MON1B: variants seen among roughly 807,000 people sequenced by gnomAD.
The protein encoded by MON1B is MON1 vesicular trafficking associated B.
Under a neutral mutation model 45.1 loss-of-function variants are expected in MON1B, and 26 were observed. That is an observed-to-expected ratio of 0.58 (90% CI 0.42 to 0.80). The LOEUF (loss-of-function observed/expected upper bound fraction) is 0.80, where lower values mean the gene tolerates loss of function less well. MON1B is among the 30% of genes least tolerant of loss of function. The pLI, the probability that MON1B is intolerant of heterozygous loss-of-function variation, is 0.00. For missense variants in MON1B, 737 were observed against 754.5 expected (o/e 0.98, Z 0.27); for synonymous variants, 395 against 320.2 (o/e 1.23, Z -2.49).
In MON1B at chr16:77,194,036, G is replaced by T; in HGVS notation, c.475+259G>T. The T allele has an allele frequency of 1.7e-6, 1 of 600,102 alleles. No individual in the cohort carries two copies. The allele number at this position is 600,102 out of a possible 1,614,324, so 37.2% of individuals were successfully genotyped here. On this transcript the variant is annotated intron_variant, in intron 3 of 5. Coordinates refer to ENST00000248248, the MANE Select transcript of MON1B (RefSeq NM_014940.4). This position sits in a 1 kb window ranked among gnomAD's most constrained non-coding sequence, Gnocchi z 8.1. ...GTCACCTGAGAGGATAACTGTGGGG[G>T]CTGTGTGGTTGAGCTGTGTCTTTCT... is the stretch of plus-strand genomic sequence containing the variant.
At position 77,195,441 on chromosome 16, in the gene MON1B, T is replaced by C. The variant is rs746725228; in HGVS notation, c.1296-94T>C. 9.5e-5 allele frequency: 135 copies of C among 1,418,352 alleles called. No homozygotes were observed. The Middle Eastern group carries it at 1.9e-3, about 20-fold the overall frequency. The allele number at this position is 1,418,352 out of a possible 1,614,324, so 87.9% of individuals were successfully genotyped here. ...GTCTCATGGGAGAGGCTCAGCTCCC[T>C]AACTTCATTGAAATCTCTAGACTGA... On this transcript the variant is annotated intron_variant, in intron 4 of 5. Transcript: ENST00000248248.
intron 5 of MON1B, among the ~76,000 whole-genome samples, chr16:77,196,790 A>G (rs1479931709): frequency 1.3e-5 from 2 of 152,106 alleles, no homozygotes; most frequent in African/African-American, 2.4e-5. Context: ...ACAAAAAGGA[A>G]TAACTTTTCC....
rs930009922 is a variant in MON1B, at chr16:77,198,507, A to C, written c.*199A>C. 1.6e-6 allele frequency: 1 copy of C among 613,322 alleles called. No individual in the cohort carries two copies. Among genetic ancestry groups the C allele is most frequent in the Admixed American group, 2.9e-5 (1 of 34,150 alleles). The allele number at this position is 613,322 out of a possible 1,614,324, so 38.0% of individuals were successfully genotyped here. On this transcript the variant is annotated 3_prime_UTR_variant, in exon 6 of 6. Transcript: ENST00000248248. Reference sequence around the variant, plus strand: ...AGCAGGCTGCTTTCCCTGCCCAGTCATGCACCTCCCCCTCTGGGGAAATCC... The same window carrying C: ...AGCAGGCTGCTTTCCCTGCCCAGTCCTGCACCTCCCCCTCTGGGGAAATCC...
In MON1B at chr16:77,191,518, C is replaced by G; in HGVS notation, c.33C>G (p.Ala11=). 1 of 1,608,234 alleles carries G rather than the reference C, an allele frequency of 6.2e-7. No individual in the cohort carries two copies. Among genetic ancestry groups the G allele is most frequent in the Non-Finnish European group, 8.5e-7 (1 of 1,178,332 alleles). ...TCGGAGGAGACACTGCTGCCCCGGC[C>G]CCCGGGGGCGCGGAGGACTTGGAGG... The part of the protein sequence containing the change: MEVGGDTAAP[A]PGGAEDLEDT... Residue 11 remains alanine (A), a synonymous_variant, in exon 2 of 6, where the codon GCC becomes GCG. Transcript: ENST00000248248.
chr16:77,195,652 C>T lies in MON1B; in HGVS notation c.1413C>T (p.His471=). The change falls in exon 5 of 6, where the codon CAC becomes CAT. Residue 471 remains histidine, a synonymous_variant. Transcript: ENST00000248248. ...CCCGACCCCTGCGCCTCATTTACCA[C>T]GTGGCTGAGAAGGAGACACTACTGG... ...STSRPLRLIY[H]VAEKETLLAW... 8.1e-6 allele frequency: 13 copies of T among 1,614,192 alleles called. No individual in the cohort carries two copies. Among genetic ancestry groups the T allele is most frequent in the South Asian group, 2.2e-5 (2 of 91,090 alleles).
chr16:77,192,632 A>C (rs1216243659), intron 2 of MON1B, among the ~76,000 whole-genome samples: 5 of 152,122 alleles, frequency 3.3e-5, no homozygotes, highest in Admixed American at 3.3e-4. Context: ...GAAGGTGGTC[A>C]GGGGAGTGAC....
chr16:77,198,303 C>T lies in MON1B; in HGVS notation c.1639C>T (p.Leu547Phe), dbSNP rs748990041. 8.7e-6 allele frequency: 14 copies of T among 1,614,006 alleles called. No individual in the cohort carries two copies. The highest frequency in any genetic ancestry group is 1.1e-5 in the Non-Finnish European group (13 of 1,179,856). The change falls in exon 6 of 6, where the codon CTC becomes TTC. Residue 547 changes from leucine to phenylalanine, a missense_variant. Transcript: ENST00000248248. ...QAAHNGLFTG[L>F] ...TGCCCATAATGGCTTGTTCACTGGA[C>T]TCTGATAGTTGGAGCTCCCAGACCA...
In MON1B at chr16:77,195,131, C is replaced by T; in HGVS notation, c.1272C>T (p.His424=). The T allele has an allele frequency of 1.3e-6, 2 of 1,596,202 alleles. No individual in the cohort carries two copies. The highest frequency in any genetic ancestry group is 1.7e-6 in the Non-Finnish European group (2 of 1,177,954). The change falls in exon 4 of 6, where the codon CAC becomes CAT. Residue 424 remains histidine (H), a synonymous_variant. Transcript: ENST00000248248. ...AGCCGCTGGACATCCCTGACCACCA[C>T]CGCCAACTGCCCCAGTTTACCAGGT... ...LYKPLDIPDH[H]RQLPQFTSPE...
chr16:77,202,397 G>A lies in MON1B; in HGVS notation c.*4089G>A, dbSNP rs2054752230. 6.6e-6 allele frequency: 1 copy of A among 152,192 alleles called. No individual in the cohort carries two copies. The highest frequency in any genetic ancestry group is 2.4e-5 in the African/African-American group (1 of 41,440). The allele number at this position is 152,192 out of a possible 1,614,324, so 9.4% of individuals were successfully genotyped here. ...GTTTCAAAATAAAATGTTTAAAAGG[G>A]TGCTCTTACTGTGCTGGCCATTTTC... is the stretch of plus-strand genomic sequence containing the variant. On this transcript the variant is annotated 3_prime_UTR_variant, in exon 6 of 6. Coordinates refer to ENST00000248248, the MANE Select transcript of MON1B (RefSeq NM_014940.4).
chr16:77,198,000 G>A (rs1213147182), intron 5 of MON1B, 108 bp from the exon 6 acceptor site: 15 of 1,113,060 alleles, frequency 1.3e-5, no homozygotes, highest in Non-Finnish European at 2.0e-5. Context: ...GTGCTGCCAG[G>A]TACATGTTCC....
At position 77,199,852 on chromosome 16, in the gene MON1B, TA is replaced by T. The variant is rs201098769; in HGVS notation, c.*1546del. ...TGCTGCAGCCACCCCTTATTAACAG[TA>T]ATTCCCAGTGTCGCCATTTCACACC... On this transcript the variant is annotated 3_prime_UTR_variant, in exon 6 of 6. Transcript: ENST00000248248. 1,058 of 204,496 alleles carry T rather than the reference TA, an allele frequency of 5.2e-3. 10 individuals carry two copies. The highest frequency in any genetic ancestry group is 0.023 in the African/African-American group (970 of 43,022). 12.7% of individuals were successfully genotyped at this position (204,496 alleles called of 1,614,324 possible). A position where few individuals can be genotyped will look rare whatever the true frequency, so the allele number is the denominator to read the frequency against.
At chr16:77,195,847 G>A (rs1021133600) in intron 5 of MON1B, among the ~76,000 whole-genome samples, 165 bp downstream of exon 5, 1 of 152,140 alleles carries the variant, frequency 6.6e-6, no homozygotes, top group African/African-American at 2.4e-5. Context: ...CATCTTTGAA[G>A]CCCCTGACAA....
chr16:77,195,465 G>A, intron 4 of MON1B, 70 bp from the exon 5 acceptor site: 2 of 1,502,834 alleles, frequency 1.3e-6, no homozygotes, highest in Middle Eastern at 2.0e-4. Context: ...TCTCTAGACT[G>A]AGGGAGGAAA....
At position 77,193,408 on chromosome 16, in the gene MON1B, T is replaced by G. The variant is rs1224819758; in HGVS notation, c.149-43T>G. 1 of 1,506,264 alleles carries G rather than the reference T, an allele frequency of 6.6e-7. No homozygotes were observed. The highest frequency in any genetic ancestry group is 1.4e-5 in the African/African-American group (1 of 71,356). 93.3% of individuals were successfully genotyped at this position (1,506,264 alleles called of 1,614,324 possible). Reference sequence around the variant, plus strand: ...GGGTCCTTGGGGATGTGGGATTAGTTAGGAGTTCACATGCAGATGACCCAC... The same window carrying G: ...GGGTCCTTGGGGATGTGGGATTAGTGAGGAGTTCACATGCAGATGACCCAC... On this transcript the variant is annotated intron_variant, in intron 2 of 5. Transcript: ENST00000248248. The surrounding 1 kb of genome is among the most constrained non-coding windows in gnomAD (Gnocchi z 5.0).
intron 2 of MON1B, among the ~76,000 whole-genome samples, chr16:77,192,792 G>A (rs2054627119): frequency 6.6e-6 from 1 of 152,066 alleles, no homozygotes; most frequent in South Asian, 2.1e-4. Flanking sequence ...TGTTAATGTG[G>A]GGTCATTGGG....
Position 77,198,822 on chromosome 16 carries a change from G to C in MON1B, c.*514G>C. ...ACAAGGATATTCCTTTGCCCTTCTTGTACTTTTTTCATCTTTACCCTGCCA... is the reference window on the plus strand; with the variant it reads ...ACAAGGATATTCCTTTGCCCTTCTTCTACTTTTTTCATCTTTACCCTGCCA... On this transcript the variant is annotated 3_prime_UTR_variant, in exon 6 of 6. Coordinates refer to ENST00000248248, the MANE Select transcript of MON1B (RefSeq NM_014940.4). The C allele has an allele frequency of 6.0e-6, 1 of 166,022 alleles. No homozygotes were observed. The highest frequency in any genetic ancestry group is 5.5e-5 in the Admixed American group (1 of 18,212). The allele number at this position is 166,022 out of a possible 1,614,324, so 10.3% of individuals were successfully genotyped here.
Position 77,193,485 on chromosome 16 carries a change from A to C in MON1B, c.183A>C (p.Ser61=), listed in dbSNP as rs761248740. The change falls in exon 3 of 6, where the codon TCA becomes TCC. Residue 61 remains serine (S), a synonymous_variant. Coordinates refer to ENST00000248248, the MANE Select transcript of MON1B (RefSeq NM_014940.4). This position sits in a 1 kb window ranked among gnomAD's most constrained non-coding sequence, Gnocchi z 5.0. ...ACAAGGACCAGCCACCCAGCCCATCACCACCGCCCCAGTCAGAGGCCCTGT... is the reference window on the plus strand; with the variant it reads ...ACAAGGACCAGCCACCCAGCCCATCCCCACCGCCCCAGTCAGAGGCCCTGT... ...SKDKDQPPSP[S]PPPQSEALSS... is the part of the protein sequence containing the mutation. 1.3e-6 allele frequency: 2 copies of C among 1,582,740 alleles called. No homozygotes were observed. The highest frequency in any genetic ancestry group is 1.2e-5 in the South Asian group (1 of 86,892).
rs1451715216 is a variant in MON1B at position 77,198,587 on chromosome 16, T to C, written c.*279T>C. On this transcript the variant is annotated 3_prime_UTR_variant, in exon 6 of 6. Coordinates refer to ENST00000248248, the MANE Select transcript of MON1B (RefSeq NM_014940.4). ...CATCTCCTCCACTTGGATGATGCTCTAGCCTCTGTCAGGGACTGTCCCCTC... is the reference window on the plus strand; with the variant it reads ...CATCTCCTCCACTTGGATGATGCTCCAGCCTCTGTCAGGGACTGTCCCCTC... 6.4e-5 allele frequency: 30 copies of C among 472,162 alleles called. No individual in the cohort carries two copies. Among genetic ancestry groups the C allele is most frequent in the Non-Finnish European group, 7.8e-5 (20 of 256,976 alleles). The allele number at this position is 472,162 out of a possible 1,614,324, so 29.2% of individuals were successfully genotyped here.
rs1294286336 is a variant in MON1B at position 77,194,347 on chromosome 16, T to C, written c.488T>C (p.Leu163Pro). The C allele has an allele frequency of 1.2e-6, 2 of 1,605,930 alleles. No homozygotes were observed. Among genetic ancestry groups the C allele is most frequent in the Non-Finnish European group, 1.7e-6 (2 of 1,179,904 alleles). ...IRAIYAEDHK[L>P]VFLQQGPLLL... ...CTTCCTTCCCTAGAGGACCACAAGC[T>C]GGTGTTCCTACAACAGGGCCCACTG... The change falls in exon 4 of 6, where the codon CTG becomes CCG. Residue 163 changes from leucine to proline, a missense_variant. By Grantham distance (98) the Leu-to-Pro change is moderately conservative. Transcript: ENST00000248248. This position sits in a 1 kb window ranked among gnomAD's most constrained non-coding sequence, Gnocchi z 8.1.
Sources: allele counts gnomAD v4.1 joint callset (sites outside exome capture counted in the v4.1 genomes callset), GRCh38; gene constraint gnomAD v4.1.1; non-coding constraint Gnocchi (gnomAD v3.1); transcripts MANE v1.5; gene names NCBI Gene and HGNC (gene_info 2026-07-23, HGNC 2026-07-21).